CPQ: variants seen among roughly 807,000 people sequenced by gnomAD.
CPQ encodes the protein carboxypeptidase Q.
Under a neutral mutation model 45.7 loss-of-function variants are expected in CPQ, and 37 were observed. The ratio of observed to expected loss-of-function variants is 0.81; its 90% CI spans 0.62 to 1.07. CPQ has a LOEUF of 1.07. Among genes scored for constraint, CPQ ranks in the 50% least tolerant of loss-of-function variants. The pLI, the probability that CPQ is intolerant of heterozygous loss-of-function variation, is 0.00. For synonymous variants in CPQ, 186 were observed against 205.8 expected, an observed-to-expected ratio of 0.90 and a Z score of 0.82; for missense variants, 537 against 572.9, an observed-to-expected ratio of 0.94 and a Z score of 0.64.
chr8:97,124,932 A>G (rs1249319685), intron 7 of CPQ, among the ~76,000 whole-genome samples: 1 of 152,176 alleles, frequency 6.6e-6, no homozygotes, highest in Non-Finnish European at 1.5e-5. Context: ...TGAAATAGAA[A>G]ATAATAAATA....
intron 6 of CPQ, among the ~76,000 whole-genome samples, chr8:97,046,568 C>A (rs1457454937): frequency 6.6e-6 from 1 of 152,318 alleles, no homozygotes; most frequent in Non-Finnish European, 1.5e-5. Flanking sequence ...AACAGAATTT[C>A]TGTTACTAGT....
At chr8:96,971,248 GA>G (rs1563542685) in intron 5 of CPQ, among the ~76,000 whole-genome samples, 1 of 152,190 alleles carries the variant, frequency 6.6e-6, no homozygotes, top group Non-Finnish European at 1.5e-5. Flanking sequence ...TGACAAGCTA[GA>G]ACCATATGAT....
chr8:96,663,339 A>G (rs1407395967), intron 1 of CPQ, among the ~76,000 whole-genome samples: 3 of 152,236 alleles, frequency 2.0e-5, no homozygotes, highest in African/African-American at 7.2e-5. Context: ...TAGATTCTCC[A>G]AATGTCCAAT....
At chr8:96,903,717 T>C (rs1203296412) in intron 4 of CPQ, among the ~76,000 whole-genome samples, 1 of 152,168 alleles carries the variant, frequency 6.6e-6, no homozygotes, top group Non-Finnish European at 1.5e-5. Context: ...AGCACCAGAT[T>C]TCAAACCCAG....
intron 1 of CPQ, among the ~76,000 whole-genome samples, chr8:96,726,455 A>G (rs1006353290): frequency 1.3e-5 from 2 of 152,138 alleles, no homozygotes; most frequent in African/African-American, 4.8e-5. Context: ...CATGATGCTA[A>G]TATCTGCTTG....
intron 4 of CPQ, among the ~76,000 whole-genome samples, chr8:96,947,832 A>G (rs1813211277): frequency 6.6e-6 from 1 of 152,088 alleles, no homozygotes; most frequent in South Asian, 2.1e-4. Context: ...GCTAGTATCT[A>G]ATTATGTGCT....
intron 7 of CPQ, among the ~76,000 whole-genome samples, chr8:97,098,917 T>C (rs1811254152): frequency 6.6e-6 from 1 of 152,112 alleles, no homozygotes. Context: ...CACACACACA[T>C]ACATAAACAC....
chr8:96,681,904 G>A (rs1809157623), intron 1 of CPQ, among the ~76,000 whole-genome samples: 3 of 152,168 alleles, frequency 2.0e-5, no homozygotes, highest in Non-Finnish European at 4.4e-5. Context: ...CTTGCATGGG[G>A]CCTGCAGCTT....
rs1342155553 is a variant in CPQ at position 97,065,933 on chromosome 8, ATTG to A, written c.1054-70_1054-68del. ...CCGTAAGGAGGTAAAGTATTTGGTA[ATTG>A]TTGTTTGATAGTTCCCAAGGAGAAA... is the stretch of plus-strand genomic sequence containing the variant. On this transcript the variant is annotated intron_variant, in intron 6 of 7. Coordinates refer to ENST00000220763, the MANE Select transcript of CPQ (RefSeq NM_016134.4). 22 of 1,417,982 alleles carry A rather than the reference ATTG, an allele frequency of 1.6e-5. No individual in the cohort carries two copies. In the Admixed American group the frequency reaches 2.0e-4, roughly 13 times the overall value. 87.8% of individuals were successfully genotyped at this position (1,417,982 alleles called of 1,614,324 possible).
intron 2 of CPQ, among the ~76,000 whole-genome samples, chr8:96,800,227 G>A (rs1030285425): frequency 6.6e-6 from 1 of 152,150 alleles, no homozygotes; most frequent in African/African-American, 2.4e-5. Context: ...AGAAGAGGAA[G>A]CCTAAAAGCT....
chr8:96,833,872 G>A (rs1811491382), intron 2 of CPQ, among the ~76,000 whole-genome samples: 1 of 152,138 alleles, frequency 6.6e-6, no homozygotes, highest in African/African-American at 2.4e-5. Context: ...TTGCATACCT[G>A]TAGTGCATTT....
intron 1 of CPQ, among the ~76,000 whole-genome samples, chr8:96,758,994 G>A (rs989527268): frequency 1.3e-5 from 2 of 152,048 alleles, no homozygotes; most frequent in Non-Finnish European, 2.9e-5. Context: ...TGTTTTTTCC[G>A]TCAAAGGTAA....
intron 1 of CPQ, among the ~76,000 whole-genome samples, chr8:96,762,341 G>C (rs988869644): frequency 6.6e-6 from 1 of 152,128 alleles, no homozygotes; most frequent in Admixed American, 6.6e-5. Flanking sequence ...TGGACCACCT[G>C]TGAGAGCCTT....
intron 3 of CPQ, among the ~76,000 whole-genome samples, chr8:96,879,121 A>G (rs992632193): frequency 6.6e-6 from 1 of 152,268 alleles, no homozygotes; most frequent in African/African-American, 2.4e-5. Flanking sequence ...AGAAGCATCT[A>G]GAAATTAACA....
intron 5 of CPQ, among the ~76,000 whole-genome samples, chr8:97,022,142 C>G (rs112610456): frequency 0.019 from 2,855 of 152,236 alleles, 85 homozygotes; most frequent in African/African-American, 0.065. Flanking sequence ...GAAAGGACAC[C>G]CTATTCAACA....
rs73696208 is a variant in CPQ, at chr8:96,649,834, C to A, written c.-35+4432C>A. On this transcript the variant is annotated intron_variant, in intron 1 of 7. Coordinates refer to ENST00000220763, the MANE Select transcript of CPQ (RefSeq NM_016134.4). ...AATGACCATTACATTATATTTCAGG[C>A]AAGTTATTAGAGAACTCTGATTCTT... 3.6e-3 allele frequency among the ~76,000 whole-genome samples: 547 copies of A among 152,272 alleles called. 5 individuals are homozygous for A. Among genetic ancestry groups the A allele is most frequent in the African/African-American group, 0.012 (486 of 41,542 alleles).
At chr8:96,965,602 C>CACG (rs1479329367) in intron 4 of CPQ, among the ~76,000 whole-genome samples, 1 of 152,064 alleles carries the variant, frequency 6.6e-6, no homozygotes, top group Admixed American at 6.5e-5. Flanking sequence ...ATCTCCTGAC[C>CACG]TCGTGATCCA....
intron 7 of CPQ, among the ~76,000 whole-genome samples, chr8:97,102,572 G>C (rs936171557): frequency 6.6e-6 from 1 of 152,138 alleles, no homozygotes; most frequent in Non-Finnish European, 1.5e-5. Flanking sequence ...GGTCCAAAAG[G>C]CCTGAGTTCA....
intron 6 of CPQ, among the ~76,000 whole-genome samples, chr8:97,063,134 C>T (rs1471332888): frequency 2.6e-5 from 4 of 152,130 alleles, no homozygotes; most frequent in Non-Finnish European, 4.4e-5. Flanking sequence ...CTCAACCTCA[C>T]CAGCATGTAC....
Sources: allele counts gnomAD v4.1 joint callset (sites outside exome capture counted in the v4.1 genomes callset), GRCh38; gene constraint gnomAD v4.1.1; transcripts MANE v1.5; gene names NCBI Gene and HGNC (gene_info 2026-07-23, HGNC 2026-07-21).